The following ANKRD17 variants were observed in gnomAD, a reference collection of about 807,000 sequenced individuals.
ANKRD17 encodes ankyrin repeat domain-containing protein 17.
Under a neutral mutation model 229.7 loss-of-function variants are expected in ANKRD17, and 19 were observed. That is an observed-to-expected ratio of 0.08 (90% confidence interval 0.06 to 0.12). The LOEUF (loss-of-function observed/expected upper bound fraction) is 0.12. ANKRD17 is among the 10% of genes least tolerant of loss of function. The pLI, the probability that ANKRD17 is intolerant of heterozygous loss-of-function variation, is 1.00. For synonymous variants in ANKRD17, 1,112 were observed against 1,146.1 expected (o/e 0.97, Z 0.60); for missense variants, 2,176 against 3,176.8 (o/e 0.68, Z 7.57).
chr4:73,239,462 C>T (rs1453413068), intron 1 of ANKRD17, among the ~76,000 whole-genome samples: 2 of 152,010 alleles, frequency 1.3e-5, no homozygotes, highest in African/African-American at 4.8e-5. Context: ...ATTTAAAGGA[C>T]TAAGATAACT....
Position 73,161,192 on chromosome 4 carries a change from T to C in ANKRD17, c.704A>G (p.Asn235Ser), listed in dbSNP as rs1285838899. Residue 235 changes from asparagine (N) to serine (S), a missense_variant and splice_region_variant, in exon 3 of 34, where the codon AAC (asparagine) becomes AGC (serine). Asn to Ser is a conservative substitution (Grantham distance 46, BLOSUM62 1). Around this residue, in one of 18 missense-constraint regions of ANKRD17, gnomAD observed 184 missense variants for 357.8 expected, o/e 0.51. Transcript: ENST00000358602. The stretch of plus-strand genomic sequence containing the variant: ...CTGATGGCAGCAAAAATGTACTTAC[T>C]TGTCCGACTGCCCTGCATTTGCTGT... ...ESTANAGQSDNRSLAEACSEG... is the reference protein window; with the variant it reads ...ESTANAGQSDSRSLAEACSEG... 13 of 1,611,932 alleles carry C rather than the reference T, an allele frequency of 8.1e-6. No homozygotes were observed. The highest frequency in any genetic ancestry group is 1.1e-5 in the Non-Finnish European group (13 of 1,179,432).
At chr4:73,231,489 A>C (rs961212374) in intron 1 of ANKRD17, among the ~76,000 whole-genome samples, 1 of 152,172 alleles carries the variant, frequency 6.6e-6, no homozygotes, top group Non-Finnish European at 1.5e-5. Flanking sequence ...CAAACCTTGA[A>C]TGGTTTGCCT....
At chr4:73,145,679 G>A (rs1730175624) in intron 10 of ANKRD17, among the ~76,000 whole-genome samples, 1 of 151,990 alleles carries the variant, frequency 6.6e-6, no homozygotes, top group Non-Finnish European at 1.5e-5. Context: ...GCAAACACTA[G>A]GAATACAGTT....
intron 1 of ANKRD17, among the ~76,000 whole-genome samples, chr4:73,257,521 G>T (rs1745560292): frequency 6.6e-6 from 1 of 152,094 alleles, no homozygotes; most frequent in African/African-American, 2.4e-5. Context: ...ACTCACTAAG[G>T]AAACATTCGA....
Position 73,151,420 on chromosome 4 carries a change from C to T in ANKRD17, c.1329+10G>A. The T allele has an allele frequency of 6.2e-7, 1 of 1,610,604 alleles. No homozygotes were observed. The highest frequency in any genetic ancestry group is 1.1e-5 in the South Asian group (1 of 90,356). On this transcript the variant is annotated intron_variant, in intron 7 of 33. Transcript: ENST00000358602. ...ATATAAACATATTTGACATATTTCA[C>T]CAATCTTACCATGCAAGCCTCCATC...
At chr4:73,177,351 G>C in intron 2 of ANKRD17, 29 bp downstream of exon 2, 2 of 1,471,822 alleles carry the variant, frequency 1.4e-6, no homozygotes, top group Non-Finnish European at 1.8e-6. Flanking sequence ...ACATAACAAG[G>C]TAGACTTATT....
chr4:73,195,815 A>G (rs1295124842), intron 1 of ANKRD17, among the ~76,000 whole-genome samples: 1 of 150,972 alleles, frequency 6.6e-6, no homozygotes, highest in East Asian at 2.0e-4. Flanking sequence ...CCTGCTGAAG[A>G]ATTTTTCATG....
At chr4:73,166,655 T>A (rs1314414636) in intron 2 of ANKRD17, among the ~76,000 whole-genome samples, 1 of 151,838 alleles carries the variant, frequency 6.6e-6, no homozygotes, top group Non-Finnish European at 1.5e-5. Context: ...TAAATCTGAA[T>A]CTGATCAAGT....
Position 73,091,907 on chromosome 4 carries a change from C to T in ANKRD17, c.5721G>A (p.Arg1907=), listed in dbSNP as rs764341689. ...AQTFQQIRPP[R]LPMTHFGGTF... Reference sequence around the variant, plus strand: ...TACCTCCAAAGTGGGTCATGGGCAACCTTGGTGGACGGATCTGCTGGAAAG... The same window carrying T: ...TACCTCCAAAGTGGGTCATGGGCAATCTTGGTGGACGGATCTGCTGGAAAG... The change falls in exon 29 of 34, where the codon AGG becomes AGA. Residue 1907 remains arginine (R), a synonymous_variant. Coordinates refer to ENST00000358602, the MANE Select transcript of ANKRD17 (RefSeq NM_032217.5). The T allele has an allele frequency of 4.3e-6, 7 of 1,614,108 alleles. No individual in the cohort carries two copies. Among genetic ancestry groups the T allele is most frequent in the South Asian group, 2.2e-5 (2 of 91,082 alleles).
chr4:73,156,184 T>C lies in ANKRD17; in HGVS notation c.705-18A>G, dbSNP rs774574072. On this transcript the variant is annotated intron_variant, in intron 3 of 33. Coordinates refer to ENST00000358602, the MANE Select transcript of ANKRD17 (RefSeq NM_032217.5). ...AACTGCGGCTATTACGGAAAGAATA[T>C]CACAATACCAGAATATAAGAATATT... 38 of 1,575,888 alleles carry C rather than the reference T, an allele frequency of 2.4e-5. 1 individual carries two copies. In the African/African-American group the frequency reaches 4.1e-4, roughly 17 times the overall value.
At chr4:73,166,341 G>A (rs1733227627) in intron 2 of ANKRD17, among the ~76,000 whole-genome samples, 1 of 152,180 alleles carries the variant, frequency 6.6e-6, no homozygotes, top group South Asian at 2.1e-4. Context: ...GTGGTACAGA[G>A]ACAGGGTAAG....
chr4:73,249,815 C>T (rs1416790706), intron 1 of ANKRD17, among the ~76,000 whole-genome samples: 2 of 152,104 alleles, frequency 1.3e-5, no homozygotes, highest in East Asian at 3.9e-4. Flanking sequence ...GGCATGGCGC[C>T]ACTGCACTCC....
chr4:73,093,317 C>T (rs914441499), intron 28 of ANKRD17, among the ~76,000 whole-genome samples: 27 of 151,066 alleles, frequency 1.8e-4, no homozygotes, highest in African/African-American at 2.4e-4. Flanking sequence ...TAGACATATT[C>T]GACGAGTTAT....
At chr4:73,106,774 C>A (rs12501697) in intron 24 of ANKRD17, among the ~76,000 whole-genome samples, 151,008 of 151,694 alleles carry the variant, frequency 1, 75,162 homozygotes, top group East Asian at 1. Flanking sequence ...AGCTACTCGG[C>A]AGGCTGAGGC....
intron 22 of ANKRD17, 43 bp downstream of exon 22, chr4:73,118,645 A>T (rs1410922067): frequency 6.2e-7 from 1 of 1,607,846 alleles, no homozygotes; most frequent in Non-Finnish European, 8.5e-7. Context: ...TTCCTAGTGT[A>T]AGTAAAAAAA....
chr4:73,100,929 T>C (rs1329158164), intron 25 of ANKRD17: 1 of 985,290 alleles, frequency 1.0e-6, no homozygotes, highest in Non-Finnish European at 1.2e-6. Context: ...GTCCTCTTTA[T>C]CCATAGATTT....
intron 1 of ANKRD17, among the ~76,000 whole-genome samples, chr4:73,217,530 T>G (rs769086633): frequency 1.3e-5 from 2 of 152,124 alleles, no homozygotes; most frequent in Non-Finnish European, 2.9e-5. Context: ...TTTTTTTTAA[T>G]TTTTACTTTT....
chr4:73,252,189 G>T (rs928868177), intron 1 of ANKRD17, among the ~76,000 whole-genome samples: 1 of 152,336 alleles, frequency 6.6e-6, no homozygotes, highest in East Asian at 1.9e-4. Context: ...GTACTGTATA[G>T]CAGGAGATAT....
At position 73,076,160 on chromosome 4, in the gene ANKRD17, A is replaced by ATT; in HGVS notation, c.*69_*70dup. The ATT allele has an allele frequency of 1.1e-5, 15 of 1,308,566 alleles. No individual in the cohort carries two copies. The highest frequency in any genetic ancestry group is 1.9e-4 in the Middle Eastern group (1 of 5,252). The allele number at this position is 1,308,566 out of a possible 1,614,324, so 81.1% of individuals were successfully genotyped here. On this transcript the variant is annotated 3_prime_UTR_variant, in exon 34 of 34. Coordinates refer to ENST00000358602, the MANE Select transcript of ANKRD17 (RefSeq NM_032217.5). ...ATCAGTAGAATGATTTGGGAGCATA[A>ATT]TTTTTTTTTTCGGCCACTTGTGATT...
Sources: allele counts gnomAD v4.1 joint callset (sites outside exome capture counted in the v4.1 genomes callset), GRCh38; gene constraint gnomAD v4.1.1; regional missense constraint gnomAD v4.1.1; transcripts MANE v1.5; gene names NCBI Gene and HGNC (gene_info 2026-07-23, HGNC 2026-07-21).